DCLK1: variants seen among roughly 807,000 people sequenced by gnomAD.
DCLK1 encodes the protein serine/threonine-protein kinase DCLK1.
DCLK1 carries 16 observed loss-of-function variants against 86.2 expected under a neutral mutation model. That is an observed-to-expected ratio of 0.19 (90% CI 0.13 to 0.28). The LOEUF (loss-of-function observed/expected upper bound fraction) is 0.28, where lower values mean the gene tolerates loss of function less well. Among genes scored for constraint, DCLK1 ranks in the 10% least tolerant of loss-of-function variants. The pLI is 1.00. For synonymous variants in DCLK1, 369 were observed against 370.5 expected (o/e 1.00, Z 0.05); for missense variants, 590 against 940.2 (o/e 0.63, Z 4.87).
At chr13:35,824,352 AT>A (rs879514806) in intron 10 of DCLK1, among the ~76,000 whole-genome samples, 2 of 151,584 alleles carry the variant, frequency 1.3e-5, no homozygotes, top group Non-Finnish European at 2.9e-5. Context: ...AATTATTATT[AT>A]TTTTTTTGTA....
At chr13:35,908,530 A>G (rs1874811568) in intron 4 of DCLK1, among the ~76,000 whole-genome samples, 1 of 152,214 alleles carries the variant, frequency 6.6e-6, no homozygotes, top group South Asian at 2.1e-4. Flanking sequence ...GCTTTCTTCC[A>G]AAACAGTATG....
At chr13:35,843,837 A>T (rs1869990979) in intron 6 of DCLK1, among the ~76,000 whole-genome samples, 1 of 152,358 alleles carries the variant, frequency 6.6e-6, no homozygotes, top group Admixed American at 6.5e-5. Flanking sequence ...AATCAATCTT[A>T]TAAAGGAAAC....
At chr13:35,877,982 A>G (rs1482101650) in intron 4 of DCLK1, among the ~76,000 whole-genome samples, 1 of 152,128 alleles carries the variant, frequency 6.6e-6, no homozygotes, top group Non-Finnish European at 1.5e-5. Flanking sequence ...GCGCCCTCCT[A>G]GAATATCAAG....
At chr13:35,823,748 A>G (rs149657222) in intron 10 of DCLK1, among the ~76,000 whole-genome samples, 68 of 152,266 alleles carry the variant, frequency 4.5e-4, no homozygotes, top group African/African-American at 1.5e-3. Flanking sequence ...ACAGTAACCA[A>G]CTGTGATCAT....
chr13:36,050,087 C>T (rs969074356), intron 3 of DCLK1, among the ~76,000 whole-genome samples: 8 of 152,130 alleles, frequency 5.3e-5, no homozygotes, highest in South Asian at 4.1e-4. Flanking sequence ...AGCTGGTACA[C>T]GCCAGCTCCA....
intron 4 of DCLK1, among the ~76,000 whole-genome samples, chr13:35,921,427 A>C (rs1875796281): frequency 6.6e-6 from 1 of 152,138 alleles, no homozygotes; most frequent in Non-Finnish European, 1.5e-5. Flanking sequence ...GCTAACATCT[A>C]TCACTCCTTC....
At chr13:35,974,803 G>T (rs1879251104) in intron 3 of DCLK1, among the ~76,000 whole-genome samples, 1 of 152,132 alleles carries the variant, frequency 6.6e-6, no homozygotes, top group South Asian at 2.1e-4. Context: ...TAATATAGAG[G>T]CCTCAGATGG....
chr13:35,839,210 T>G, intron 6 of DCLK1, 34 bp from the exon 7 acceptor site: 1 of 1,541,788 alleles, frequency 6.5e-7, no homozygotes, highest in African/African-American at 1.4e-5. Flanking sequence ...ATTCAAAAAC[T>G]GGGTCAGAAT....
chr13:36,128,726 G>A (rs547029516), intron 1 of DCLK1, among the ~76,000 whole-genome samples: 21 of 151,922 alleles, frequency 1.4e-4, no homozygotes, highest in African/African-American at 5.1e-4. Context: ...ACTCATAGTA[G>A]TCAGAATTTG....
At chr13:35,912,435 GACC>G (rs1270245621) in intron 4 of DCLK1, among the ~76,000 whole-genome samples, 1 of 152,042 alleles carries the variant, frequency 6.6e-6, no homozygotes, top group Non-Finnish European at 1.5e-5. Flanking sequence ...TGCCTATAAA[GACC>G]CCAGACTCAG....
At chr13:35,920,257 C>T (rs890622660) in intron 4 of DCLK1, among the ~76,000 whole-genome samples, 3 of 152,194 alleles carry the variant, frequency 2.0e-5, no homozygotes, top group Admixed American at 2.0e-4. Flanking sequence ...CTCCACAGAC[C>T]TGCCCTTCAC....
chr13:36,028,855 A>G (rs1249252049), intron 3 of DCLK1, among the ~76,000 whole-genome samples: 1 of 152,238 alleles, frequency 6.6e-6, no homozygotes, highest in Non-Finnish European at 1.5e-5. Flanking sequence ...AAATTCCATC[A>G]GTGCCATGAC....
chr13:35,888,157 C>G (rs1873408774), intron 4 of DCLK1, among the ~76,000 whole-genome samples: 1 of 152,032 alleles, frequency 6.6e-6, no homozygotes, highest in African/African-American at 2.4e-5. Context: ...ATTTATTATC[C>G]TGTTTCTCAT....
At chr13:35,984,927 G>T (rs1371616995) in intron 3 of DCLK1, among the ~76,000 whole-genome samples, 3 of 151,236 alleles carry the variant, frequency 2.0e-5, no homozygotes, top group Non-Finnish European at 4.4e-5. Context: ...ACACACACTT[G>T]AGAGGCCTCC....
Position 36,067,245 on chromosome 13 carries a change from C to A in DCLK1, c.723+44624G>T, listed in dbSNP as rs9593739. ...ATGCAGCCATAAAAAATGATGAGTT[C>A]ATGTCCTTTGTAGGGACATGGATGA... is the stretch of plus-strand genomic sequence containing the variant. On this transcript the variant is annotated intron_variant, in intron 3 of 16. Transcript: ENST00000360631. Among the ~76,000 whole-genome samples the A allele has an allele frequency of 3.6e-3, 509 of 142,564 alleles. 3 individuals are homozygous for A. Among genetic ancestry groups the A allele is most frequent in the African/African-American group, 0.013 (483 of 38,344 alleles). 93.5% of individuals were successfully genotyped at this position (142,564 alleles called of 152,430 possible).
intron 4 of DCLK1, among the ~76,000 whole-genome samples, chr13:35,887,696 T>C (rs559158823): frequency 3.7e-4 from 57 of 152,200 alleles, no homozygotes; most frequent in African/African-American, 1.3e-3. Flanking sequence ...GAGCATAATT[T>C]AATCACCTAT....
intron 4 of DCLK1, among the ~76,000 whole-genome samples, chr13:35,935,199 G>C (rs1160543647): frequency 5.3e-5 from 8 of 152,200 alleles, no homozygotes; most frequent in Non-Finnish European, 1.2e-4. Context: ...GAGGGCAGAG[G>C]AGGAATAAAG....
At position 35,946,802 on chromosome 13, in the gene DCLK1, C is replaced by T. The variant is rs117345571; in HGVS notation, c.823+556G>A. ...TTCATTTCCTAAGACATGTATTTCC[C>T]TCTTTATAACCATCCCCTCTTTATC... On this transcript the variant is annotated intron_variant, in intron 4 of 16. Coordinates refer to ENST00000360631, the MANE Select transcript of DCLK1 (RefSeq NM_001330071.2). 3.0e-3 allele frequency among the ~76,000 whole-genome samples: 454 copies of T among 152,270 alleles called. 5 individuals carry two copies. Among genetic ancestry groups the T allele is most frequent in the Admixed American group, 0.021 (320 of 15,290 alleles).
At chr13:35,927,360 A>G (rs1448090775) in intron 4 of DCLK1, among the ~76,000 whole-genome samples, 2 of 152,332 alleles carry the variant, frequency 1.3e-5, no homozygotes, top group Admixed American at 6.5e-5. Flanking sequence ...AAACATTTCT[A>G]TGACCTTTAT....
Sources: allele counts gnomAD v4.1 joint callset (sites outside exome capture counted in the v4.1 genomes callset), GRCh38; gene constraint gnomAD v4.1.1; transcripts MANE v1.5; gene names NCBI Gene and HGNC (gene_info 2026-07-23, HGNC 2026-07-21).